The following SDK1 variants were observed in gnomAD, a reference collection of about 807,000 sequenced individuals.
SDK1 encodes the protein sidekick cell adhesion molecule 1, also known as protein sidekick-1.
SDK1 carries 157 observed loss-of-function variants against 245.5 expected under a neutral mutation model. The ratio of observed to expected loss-of-function variants is 0.64; its 90% CI spans 0.56 to 0.73. The LOEUF is 0.73. Among genes scored for constraint, SDK1 ranks in the 30% least tolerant of loss-of-function variants. The probability of loss-of-function intolerance (pLI) is 0.00; values close to 1 mark genes in which losing one functional copy is unlikely to be tolerated. For missense variants in SDK1, 3,583 were observed against 3,002.3 expected, an observed-to-expected ratio of 1.19 and a Z score of -4.52; for synonymous variants, 1,647 against 1,278.5, an observed-to-expected ratio of 1.29 and a Z score of -6.15.
intron 5 of SDK1, among the ~76,000 whole-genome samples, chr7:3,869,381 C>T (rs1342478337): frequency 3.9e-5 from 6 of 152,080 alleles, no homozygotes; most frequent in African/African-American, 1.4e-4. Flanking sequence ...GTCTCAAACT[C>T]CTGGCCTCAG....
At position 3,822,861 on chromosome 7, in the gene SDK1, G is replaced by A. The variant is rs148244469; in HGVS notation, c.847+1278G>A. On this transcript the variant is annotated intron_variant, in intron 5 of 44. Transcript: ENST00000404826. Reference sequence around the variant, plus strand: ...GAGGGGTACAATTGCCTTAGGCCCAGTAGAATTGCCTGGGTGAATCTTTGT... The same window carrying A: ...GAGGGGTACAATTGCCTTAGGCCCAATAGAATTGCCTGGGTGAATCTTTGT... Among the ~76,000 whole-genome samples the A allele has an allele frequency of 3.3e-3, 508 of 152,226 alleles. 5 individuals carry two copies. The highest frequency in any genetic ancestry group is 0.012 in the African/African-American group (486 of 41,532).
Position 4,233,344 on chromosome 7 carries a change from A to T in SDK1, c.5917A>T (p.Thr1973Ser). The part of the protein sequence containing the change: ...LSLDKLRQGV[T>S]YEFRVVAVNE... ...CCTGGATAAGCTCCGGCAAGGAGTG[A>T]CTTACGAGTTCCGGGTGGTGGCTGT... is the stretch of plus-strand genomic sequence containing the variant. The change falls in exon 41 of 45, where the codon ACT becomes TCT. Residue 1973 changes from threonine to serine, a missense_variant. Physicochemically the swap from Thr to Ser is moderately conservative, Grantham distance 58. Coordinates refer to ENST00000404826, the MANE Select transcript of SDK1 (RefSeq NM_152744.4). The T allele has an allele frequency of 6.2e-7, 1 of 1,613,912 alleles. No individual in the cohort carries two copies. Among genetic ancestry groups the T allele is most frequent in the Non-Finnish European group, 8.5e-7 (1 of 1,180,036 alleles).
At chr7:3,378,678 A>C (rs1459485068) in intron 1 of SDK1, among the ~76,000 whole-genome samples, 1 of 152,038 alleles carries the variant, frequency 6.6e-6, no homozygotes, top group African/African-American at 2.4e-5. Context: ...ATTTCTGTTC[A>C]CATTTGTAGG....
Position 4,053,155 on chromosome 7 carries a change from C to A in SDK1, c.2911+1325C>A, listed in dbSNP as rs1778982925. Among the ~76,000 whole-genome samples the A allele has an allele frequency of 2.0e-5, 3 of 151,972 alleles. No homozygotes were observed. The South Asian group carries it at 6.3e-4, about 32-fold the overall frequency. The stretch of plus-strand genomic sequence containing the variant: ...TCACCCTGGGCTGCTGCTTGTCTCT[C>A]CCCCAGTGCTGGATGGGCTCAGCCT... On this transcript the variant is annotated intron_variant, in intron 19 of 44. Transcript: ENST00000404826.
intron 17 of SDK1, among the ~76,000 whole-genome samples, chr7:4,048,912 G>C (rs551972994): frequency 6.6e-6 from 1 of 152,270 alleles, no homozygotes; most frequent in East Asian, 1.9e-4. Context: ...GATTTTGTTT[G>C]CTTGTTCCCC....
At chr7:3,532,259 A>G (rs1562544179) in intron 1 of SDK1, among the ~76,000 whole-genome samples, 1 of 152,142 alleles carries the variant, frequency 6.6e-6, no homozygotes, top group Non-Finnish European at 1.5e-5. Context: ...GTTGTTAGGA[A>G]TTGTTGTTTC....
chr7:4,067,774 C>A, intron 19 of SDK1, 64 bp from the exon 20 acceptor site: 1 of 1,230,840 alleles, frequency 8.1e-7, no homozygotes, highest in Non-Finnish European at 1.2e-6. Flanking sequence ...ACCTTCCCCA[C>A]ACATCTGATC....
chr7:3,528,563 C>G (rs188449110), intron 1 of SDK1, among the ~76,000 whole-genome samples: 3 of 152,080 alleles, frequency 2.0e-5, no homozygotes, highest in Admixed American at 2.0e-4. Context: ...TCCTTGCTGT[C>G]TGGAGAATCA....
At position 3,971,453 on chromosome 7, in the gene SDK1, G is replaced by T; in HGVS notation, c.1715-13G>T. On this transcript the variant is annotated splice_polypyrimidine_tract_variant and intron_variant, in intron 11 of 44. Coordinates refer to ENST00000404826, the MANE Select transcript of SDK1 (RefSeq NM_152744.4). ...TGTCATTTCGTCTGACTCGTGACTT[G>T]TGTTTTTTTCAGATCGGACGTCCAT... The T allele has an allele frequency of 4.4e-6, 7 of 1,593,584 alleles. No individual in the cohort carries two copies. Among genetic ancestry groups the T allele is most frequent in the Non-Finnish European group, 5.2e-6 (6 of 1,162,914 alleles).
intron 41 of SDK1, among the ~76,000 whole-genome samples, chr7:4,236,832 C>G (rs575422392): frequency 6.6e-6 from 1 of 152,232 alleles, no homozygotes; most frequent in African/African-American, 2.4e-5. Flanking sequence ...GGGGGTGTCC[C>G]AGCACCAGGA....
rs1384020487 is a variant in SDK1, at chr7:3,719,888, A to G, written c.713+77783A>G. 3.3e-5 allele frequency among the ~76,000 whole-genome samples: 5 copies of G among 151,896 alleles called. 1 individual carries two copies. The highest frequency in any genetic ancestry group is 2.1e-4 in the South Asian group (1 of 4,816). ...GCTACTCAGGAGACTGAGGCAAGAG[A>G]ATTGCTTGAACCCGGGAGGCGGAAG... On this transcript the variant is annotated intron_variant, in intron 4 of 44. Transcript: ENST00000404826.
intron 1 of SDK1, among the ~76,000 whole-genome samples, chr7:3,380,647 A>G (rs757253117): frequency 1.3e-5 from 2 of 152,170 alleles, no homozygotes; most frequent in South Asian, 2.1e-4. Context: ...TTTCAAGTTC[A>G]GGTCATGTAG....
chr7:4,115,278 G>A (rs1783628068), intron 25 of SDK1, among the ~76,000 whole-genome samples: 1 of 152,168 alleles, frequency 6.6e-6, no homozygotes, highest in East Asian at 1.9e-4. Context: ...CTTGACAGAT[G>A]GAGGGGCTGT....
intron 4 of SDK1, among the ~76,000 whole-genome samples, chr7:3,748,663 T>C (rs1226983236): frequency 6.6e-6 from 1 of 152,214 alleles, no homozygotes; most frequent in Non-Finnish European, 1.5e-5. Flanking sequence ...TCATGCTTCA[T>C]GTATTGAACT....
intron 1 of SDK1, among the ~76,000 whole-genome samples, chr7:3,312,550 A>G (rs1299085130): frequency 6.7e-6 from 1 of 148,446 alleles, no homozygotes; most frequent in Non-Finnish European, 1.5e-5. Flanking sequence ...TCTAGAAATG[A>G]AAATAATGGT....
intron 1 of SDK1, among the ~76,000 whole-genome samples, chr7:3,584,926 G>A (rs546728495): frequency 2.0e-5 from 3 of 152,042 alleles, no homozygotes; most frequent in South Asian, 2.1e-4. Context: ...GAGTTTCACC[G>A]TGTTAGCCAG....
intron 17 of SDK1, among the ~76,000 whole-genome samples, chr7:4,037,030 A>C (rs1030407675): frequency 6.6e-6 from 1 of 152,162 alleles, no homozygotes; most frequent in Non-Finnish European, 1.5e-5. Flanking sequence ...CCAATCTTCA[A>C]AGTGAGACCC....
intron 28 of SDK1, among the ~76,000 whole-genome samples, chr7:4,133,131 C>T (rs1436162395): frequency 5.9e-5 from 9 of 152,204 alleles, no homozygotes; most frequent in African/African-American, 1.9e-4. Context: ...GCAGCACTTG[C>T]ACCCAATCCT....
intron 28 of SDK1, among the ~76,000 whole-genome samples, chr7:4,133,527 G>A (rs185265762): frequency 2.9e-4 from 44 of 152,314 alleles, no homozygotes; most frequent in Non-Finnish European, 3.4e-4. Flanking sequence ...GGTCTCTGTG[G>A]GTGGAAGTCT....
Sources: allele counts gnomAD v4.1 joint callset (sites outside exome capture counted in the v4.1 genomes callset), GRCh38; gene constraint gnomAD v4.1.1; transcripts MANE v1.5; gene names NCBI Gene and HGNC (gene_info 2026-07-23, HGNC 2026-07-21).